Variants in PTPRD observed in about 807,000 individuals in gnomAD.
PTPRD encodes the protein protein tyrosine phosphatase receptor type D.
A neutral mutation model predicts 214.5 loss-of-function variants in PTPRD; 34 were observed. That is an observed-to-expected ratio of 0.16 (90% CI 0.12 to 0.21). The LOEUF (loss-of-function observed/expected upper bound fraction) is 0.21. Among genes scored for constraint, PTPRD ranks in the 10% least tolerant of loss-of-function variants. The pLI, the probability that PTPRD is intolerant of heterozygous loss-of-function variation, is 1.00. For synonymous variants in PTPRD, 1,128 were observed against 845.7 expected, an observed-to-expected ratio of 1.33 and a Z score of -5.79; for missense variants, 2,545 against 2,398.7, an observed-to-expected ratio of 1.06 and a Z score of -1.27.
At chr9:9,867,661 C>A (rs1222161281) in intron 5 of PTPRD, among the ~76,000 whole-genome samples, 1 of 152,070 alleles carries the variant, frequency 6.6e-6, no homozygotes, top group Non-Finnish European at 1.5e-5. Flanking sequence ...ATATAATCTC[C>A]CCAAATCTAG....
intron 7 of PTPRD, among the ~76,000 whole-genome samples, chr9:9,699,261 C>A (rs1260327684): frequency 2.0e-5 from 3 of 151,562 alleles, no homozygotes; most frequent in Non-Finnish European, 4.4e-5. Flanking sequence ...TATGTGAGAC[C>A]TAGGTGTTTT....
intron 8 of PTPRD, among the ~76,000 whole-genome samples, chr9:9,527,028 T>C (rs921717897): frequency 6.6e-6 from 1 of 152,154 alleles, no homozygotes; most frequent in African/African-American, 2.4e-5. Context: ...CCAAGTAAAA[T>C]ATAATATTTA....
intron 8 of PTPRD, among the ~76,000 whole-genome samples, chr9:9,454,816 T>C (rs947568994): frequency 1.3e-5 from 2 of 151,510 alleles, no homozygotes; most frequent in South Asian, 2.1e-4. Flanking sequence ...GTGAATCAGA[T>C]GTAAATCATG....
chr9:10,010,017 C>G (rs1174366406), intron 4 of PTPRD, among the ~76,000 whole-genome samples: 1 of 151,818 alleles, frequency 6.6e-6, no homozygotes, highest in Non-Finnish European at 1.5e-5. Context: ...TTTGAAATCC[C>G]CTTGGCCGAG....
intron 5 of PTPRD, among the ~76,000 whole-genome samples, chr9:9,912,119 T>G (rs1185428716): frequency 6.6e-6 from 1 of 152,156 alleles, no homozygotes; most frequent in African/African-American, 2.4e-5. Flanking sequence ...AATAAAACCT[T>G]GATGGAAATT....
intron 3 of PTPRD, among the ~76,000 whole-genome samples, chr9:10,099,106 A>G (rs1276016498): frequency 2.0e-5 from 3 of 151,798 alleles, no homozygotes; most frequent in Admixed American, 2.0e-4. Flanking sequence ...CTTGAGTTCC[A>G]TAGAAGCTCA....
chr9:8,581,386 C>T (rs2093068347), intron 14 of PTPRD, among the ~76,000 whole-genome samples: 1 of 152,082 alleles, frequency 6.6e-6, no homozygotes, highest in South Asian at 2.1e-4. Context: ...TAATTAAAAT[C>T]CTAAACTTCC....
At chr9:8,491,295 A>C (rs1323287157) in intron 27 of PTPRD, among the ~76,000 whole-genome samples, 2 of 152,210 alleles carry the variant, frequency 1.3e-5, no homozygotes, top group Admixed American at 6.5e-5. Flanking sequence ...TAAAATGTCT[A>C]CTGCATGGTA....
At chr9:8,666,642 T>C (rs1055155217) in intron 12 of PTPRD, among the ~76,000 whole-genome samples, 1 of 152,172 alleles carries the variant, frequency 6.6e-6, no homozygotes, top group African/African-American at 2.4e-5. Flanking sequence ...CTCTAGCCAA[T>C]AGATCTGCAA....
At chr9:9,871,969 G>A (rs1400333073) in intron 5 of PTPRD, among the ~76,000 whole-genome samples, 1 of 152,118 alleles carries the variant, frequency 6.6e-6, no homozygotes, top group Non-Finnish European at 1.5e-5. Context: ...CACTCTACAT[G>A]TATAACTTCA....
chr9:9,451,747 A>G (rs1168321632), intron 8 of PTPRD, among the ~76,000 whole-genome samples: 1 of 151,680 alleles, frequency 6.6e-6, no homozygotes, highest in Admixed American at 6.6e-5. Context: ...TTAATAAAGT[A>G]CACTTGAAAA....
intron 3 of PTPRD, among the ~76,000 whole-genome samples, chr9:10,321,606 G>A (rs1471897386): frequency 1.3e-5 from 2 of 150,408 alleles, no homozygotes. Flanking sequence ...TAAAAGCGGG[G>A]GTGGAATGGA....
rs2135903564 is a variant in PTPRD, at chr9:8,485,782, C to A, written c.3035G>T (p.Arg1012Met). Residue 1012 changes from arginine to methionine, a missense_variant, in exon 28 of 46, where the codon AGG (arginine) becomes ATG (methionine). Transcript: ENST00000381196. ...CCTACCTTGATCCACAGGCAGTGTC[C>A]TGAACTGGACACTGGGACTATATGG... Reference protein sequence around the residue: ...PGPYSPSVQFRTLPVDQVFAK... With the variant: ...PGPYSPSVQFMTLPVDQVFAK... 6.2e-7 allele frequency: 1 copy of A among 1,613,128 alleles called. No homozygotes were observed. Among genetic ancestry groups the A allele is most frequent in the Non-Finnish European group, 8.5e-7 (1 of 1,179,814 alleles).
chr9:10,313,396 T>TCACACACACACACACACACACA (rs1565223815), intron 3 of PTPRD, among the ~76,000 whole-genome samples: 1 of 91,958 alleles, frequency 1.1e-5, no homozygotes, highest in South Asian at 3.8e-4. Context: ...CAGGTACAGA[T>TCACACACACACACACACACACA]TACACACACA....
In PTPRD at chr9:8,670,741, A is replaced by G. The variant is rs1158694338; in HGVS notation, c.65-33897T>C. On this transcript the variant is annotated intron_variant, in intron 12 of 45. Transcript: ENST00000381196. ...TCAGTGCCCCAATAGCAAGAAGACA[A>G]TAGGTCACCTGCCAAAGCACTGAAG... is the stretch of plus-strand genomic sequence containing the variant. Among the ~76,000 whole-genome samples, 7 of 152,212 alleles carry G rather than the reference A, an allele frequency of 4.6e-5. No homozygotes were observed. The South Asian group carries it at 1.2e-3, about 27-fold the overall frequency.
At chr9:9,461,494 T>C (rs1569568532) in intron 8 of PTPRD, among the ~76,000 whole-genome samples, 1 of 151,956 alleles carries the variant, frequency 6.6e-6, no homozygotes, top group Non-Finnish European at 1.5e-5. Flanking sequence ...TGAGAGAACA[T>C]GGAAAAACAA....
At chr9:9,719,448 G>A (rs2097895894) in intron 7 of PTPRD, among the ~76,000 whole-genome samples, 1 of 152,090 alleles carries the variant, frequency 6.6e-6, no homozygotes. Context: ...ACCTTCTGGG[G>A]GCTCAGACCT....
intron 11 of PTPRD, among the ~76,000 whole-genome samples, chr9:8,841,719 A>T (rs2154535487): frequency 6.6e-6 from 1 of 151,876 alleles, no homozygotes; most frequent in South Asian, 2.1e-4. Flanking sequence ...ACTTAAAAAA[A>T]AAATGACATC....
rs1176159031 is a variant in PTPRD, at chr9:9,467,588, C to CAAAAAA, written c.-236-70112_-236-70107dup. ...GGCGACAGAGCGGGACTCCATCTCCCAAAAAAAAAAAAAAAAAAAAAAGTT... is the reference window on the plus strand; with the variant it reads ...GGCGACAGAGCGGGACTCCATCTCCCAAAAAAAAAAAAAAAAAAAAAAAAAAAAGTT... On this transcript the variant is annotated intron_variant, in intron 8 of 45. Coordinates refer to ENST00000381196, the MANE Select transcript of PTPRD (RefSeq NM_002839.4). 9.5e-4 allele frequency among the ~76,000 whole-genome samples: 53 copies of CAAAAAA among 55,946 alleles called. 6 individuals carry two copies. The highest frequency in any genetic ancestry group is 1.0e-3 in the South Asian group (1 of 972). The allele number at this position is 55,946 out of a possible 152,430, so 36.7% of individuals were successfully genotyped here.
Sources: allele counts gnomAD v4.1 joint callset (sites outside exome capture counted in the v4.1 genomes callset), GRCh38; gene constraint gnomAD v4.1.1; transcripts MANE v1.5; gene names NCBI Gene and HGNC (gene_info 2026-07-23, HGNC 2026-07-21).